CCDC28A: variants seen among roughly 807,000 people sequenced by gnomAD.
CCDC28A encodes the protein coiled-coil domain containing 28A, also known as coiled-coil domain-containing protein 28A.
CCDC28A carries 24 observed loss-of-function variants against 22.1 expected under a neutral mutation model. The ratio of observed to expected loss-of-function variants is 1.09; its 90% CI spans 0.79 to 1.53. CCDC28A has a LOEUF of 1.53. Among genes scored for constraint, CCDC28A ranks in the 40% most tolerant of loss-of-function variants. The pLI is 0.00. For synonymous variants in CCDC28A, 83 were observed against 74.7 expected (o/e 1.11, Z -0.57); for missense variants, 170 against 210.7 (o/e 0.81, Z 1.20).
intron 4 of CCDC28A, among the ~76,000 whole-genome samples, chr6:138,786,115 C>G (rs1304833617): frequency 6.6e-6 from 1 of 152,196 alleles, no homozygotes; most frequent in Non-Finnish European, 1.5e-5. Context: ...TTTTCTGAGG[C>G]CTCTCAGTTT....
chr6:138,780,637 C>T (rs944429662), intron 3 of CCDC28A, among the ~76,000 whole-genome samples: 3 of 149,334 alleles, frequency 2.0e-5, no homozygotes, highest in Non-Finnish European at 3.0e-5. Flanking sequence ...TTCCATGGCA[C>T]GATCTCGGCT....
In CCDC28A at chr6:138,785,217, T is replaced by A; in HGVS notation, c.323-10T>A. On this transcript the variant is annotated splice_polypyrimidine_tract_variant and intron_variant, in intron 3 of 5. Coordinates refer to ENST00000617445, the MANE Select transcript of CCDC28A (RefSeq NM_015439.3). Reference sequence around the variant, plus strand: ...CCTAATCATTATTAATGTTCTGGAATGTTCCCAAGGAAATGAATGTTCCAT... The same window carrying A: ...CCTAATCATTATTAATGTTCTGGAAAGTTCCCAAGGAAATGAATGTTCCAT... 6.2e-7 allele frequency: 1 copy of A among 1,608,112 alleles called. No homozygotes were observed. Among genetic ancestry groups the A allele is most frequent in the Non-Finnish European group, 8.5e-7 (1 of 1,174,992 alleles).
intron 4 of CCDC28A, among the ~76,000 whole-genome samples, chr6:138,786,455 A>G (rs1333016379): frequency 1.3e-5 from 2 of 152,234 alleles, no homozygotes; most frequent in East Asian, 3.8e-4. Context: ...TAGATTCCCT[A>G]TTAACTATTG....
intron 1 of CCDC28A, among the ~76,000 whole-genome samples, chr6:138,775,075 G>A (rs1460604596): frequency 6.6e-6 from 1 of 152,200 alleles, no homozygotes; most frequent in Admixed American, 6.5e-5. Flanking sequence ...GAGTAGCTGG[G>A]ACTACAGGCG....
chr6:138,785,460 G>A, intron 4 of CCDC28A, 79 bp downstream of exon 4: 3 of 1,069,184 alleles, frequency 2.8e-6, no homozygotes, highest in South Asian at 1.5e-5. Context: ...CTATTTTAAT[G>A]TATACAATCA....
At chr6:138,785,569 C>T (rs1247327405) in intron 4 of CCDC28A, among the ~76,000 whole-genome samples, 188 bp downstream of exon 4, 1 of 152,176 alleles carries the variant, frequency 6.6e-6, no homozygotes, top group African/African-American at 2.4e-5. Flanking sequence ...TCAATTCTCT[C>T]CTCATCCCCT....
intron 1 of CCDC28A, among the ~76,000 whole-genome samples, chr6:138,774,384 TTCAGAGAACTA>T (rs1774893680): frequency 6.6e-6 from 1 of 152,222 alleles, no homozygotes; most frequent in South Asian, 2.1e-4. Flanking sequence ...TCCTTGCCTC[TTCAGAGAACTA>T]ATCGTCTCTA....
chr6:138,780,113 G>C (rs1774994632), intron 3 of CCDC28A, 128 bp downstream of exon 3: 2 of 635,032 alleles, frequency 3.1e-6, no homozygotes, highest in Non-Finnish European at 4.8e-6. Context: ...CAGGCATAAA[G>C]GCAATCATCC....
At position 138,776,158 on chromosome 6, in the gene CCDC28A, CT is replaced by C. The variant is rs750567585; in HGVS notation, c.42del (p.Phe14LeufsTer18). The part of the protein sequence containing the change: ...ERKVKRRSPK[S>X]FSAHCTQVVN... ...AAAGTGAAGAGGAGGAGTCCTAAGT[CT>C]TTTAGTGCCCACTGTACTCAGGTTG... On this transcript the variant is annotated frameshift_variant, in exon 2 of 6. Coordinates refer to ENST00000617445, the MANE Select transcript of CCDC28A (RefSeq NM_015439.3). LOFTEE classifies it high-confidence loss of function. The C allele has an allele frequency of 2.0e-5, 33 of 1,613,744 alleles. No individual in the cohort carries two copies. The Admixed American group carries it at 3.5e-4, about 17-fold the overall frequency.
At chr6:138,791,708 T>G (rs1775173407) in intron 5 of CCDC28A, among the ~76,000 whole-genome samples, 1 of 152,254 alleles carries the variant, frequency 6.6e-6, no homozygotes, top group Non-Finnish European at 1.5e-5. Flanking sequence ...TCACGTTACA[T>G]TCAAGCTGAC....
intron 3 of CCDC28A, among the ~76,000 whole-genome samples, chr6:138,780,572 A>ATT (rs11348177): frequency 0.017 from 2,124 of 124,132 alleles, 74 homozygotes; most frequent in African/African-American, 0.064. Flanking sequence ...TTATTTCCCA[A>ATT]TTTTTTTTTT....
At chr6:138,781,590 C>T (rs1256668870) in intron 3 of CCDC28A, among the ~76,000 whole-genome samples, 1 of 152,166 alleles carries the variant, frequency 6.6e-6, no homozygotes, top group Non-Finnish European at 1.5e-5. Flanking sequence ...TATTATTCGT[C>T]TTTTAATTTT....
chr6:138,778,525 G>T (rs892190314), intron 2 of CCDC28A, among the ~76,000 whole-genome samples: 20 of 152,090 alleles, frequency 1.3e-4, no homozygotes, highest in African/African-American at 4.6e-4. Context: ...TTAGGCTAGG[G>T]GTTCCAAAAA....
chr6:138,785,203 T>C (rs1009435707), intron 3 of CCDC28A, 24 bp from the exon 4 acceptor site: 20 of 1,587,154 alleles, frequency 1.3e-5, no homozygotes, highest in Non-Finnish European at 1.7e-5. Flanking sequence ...CTAATCATTA[T>C]TAATGTTCTG....
At chr6:138,792,444 C>T (rs1775184707) in intron 5 of CCDC28A, among the ~76,000 whole-genome samples, 1 of 151,848 alleles carries the variant, frequency 6.6e-6, no homozygotes. Flanking sequence ...ATTGCTTGAG[C>T]CCAGGAGTTC....
intron 5 of CCDC28A, among the ~76,000 whole-genome samples, chr6:138,790,284 G>C (rs1192046237): frequency 1.3e-5 from 2 of 152,122 alleles, no homozygotes; most frequent in African/African-American, 4.8e-5. Flanking sequence ...CTGAGTAGCT[G>C]GGATTACAGG....
intron 3 of CCDC28A, among the ~76,000 whole-genome samples, chr6:138,782,735 GAAGA>G (rs1562439695): frequency 6.6e-6 from 1 of 152,154 alleles, no homozygotes; most frequent in African/African-American, 2.4e-5. Context: ...ATTTTACTGT[GAAGA>G]AAGGACGATT....
intron 4 of CCDC28A, among the ~76,000 whole-genome samples, chr6:138,786,664 G>C (rs1336060569): frequency 6.6e-6 from 1 of 152,172 alleles, no homozygotes; most frequent in African/African-American, 2.4e-5. Context: ...ACCCAGGCTG[G>C]AGTGCAGTGG....
rs201272407 is a variant in CCDC28A at position 138,776,170 on chromosome 6, A to G, written c.50A>G (p.His17Arg). ...KRRSPKSFSA[H>R]CTQVVNAKKN... is the part of the protein sequence containing the mutation. ...AGGAGTCCTAAGTCTTTTAGTGCCCACTGTACTCAGGTTGTCAATGCCAAA... is the reference window on the plus strand; with the variant it reads ...AGGAGTCCTAAGTCTTTTAGTGCCCGCTGTACTCAGGTTGTCAATGCCAAA... The change falls in exon 2 of 6, where the codon CAC (histidine) becomes CGC (arginine). Residue 17 changes from histidine to arginine, a missense_variant. By Grantham distance (29) the His-to-Arg change is conservative (BLOSUM62 0). Transcript: ENST00000617445. 5 of 1,614,008 alleles carry G rather than the reference A, an allele frequency of 3.1e-6. No individual in the cohort carries two copies. In the African/African-American group the frequency reaches 5.3e-5, roughly 17 times the overall value.
Sources: gnomAD v4.1 joint callset for allele counts (sites outside exome capture counted in the v4.1 genomes callset) on GRCh38, gnomAD v4.1.1 for gene constraint, MANE v1.5 for transcripts, NCBI Gene and HGNC (gene_info 2026-07-23, HGNC 2026-07-21) for gene names.